The following ADAMTSL1 variants were observed in gnomAD, a reference collection of about 807,000 sequenced individuals.
The protein encoded by ADAMTSL1 is ADAMTS like 1.
In ADAMTSL1, 126 loss-of-function variants were observed where a neutral mutation model predicts 201.8. The ratio of observed to expected loss-of-function variants is 0.62; its 90% CI spans 0.54 to 0.72. ADAMTSL1 has a LOEUF of 0.72. Ranked by LOEUF, ADAMTSL1 falls within the 30% of genes least tolerant of loss-of-function variation. The pLI is 0.00. For missense variants in ADAMTSL1, 2,679 were observed against 2,277.8 expected (o/e 1.18, Z -3.59); for synonymous variants, 1,121 against 903.4 (o/e 1.24, Z -4.32).
intron 1 of ADAMTSL1, among the ~76,000 whole-genome samples, chr9:18,058,293 T>G (rs567961090): frequency 6.6e-6 from 1 of 152,198 alleles, no homozygotes; most frequent in African/African-American, 2.4e-5. Flanking sequence ...TGCCAGATGC[T>G]AGAGAAATCT....
rs577697104 is a variant in ADAMTSL1 at position 18,636,195 on chromosome 9, T to C, written c.676+178T>C. Among the ~76,000 whole-genome samples the C allele has an allele frequency of 2.6e-5, 4 of 152,310 alleles. No individual in the cohort carries two copies. In the East Asian group the frequency reaches 7.7e-4, roughly 29 times the overall value. On this transcript the variant is annotated intron_variant, in intron 6 of 28. Coordinates refer to ENST00000380548, the MANE Select transcript of ADAMTSL1 (RefSeq NM_001040272.6). ...CCTGATGAGATGGCAGAAACCCCTG[T>C]AGTAATTATCTTTAACCACAGTCAT...
chr9:18,171,505 A>C (rs560541627), intron 2 of ADAMTSL1, among the ~76,000 whole-genome samples: 8 of 152,242 alleles, frequency 5.3e-5, no homozygotes, highest in African/African-American at 1.9e-4. Context: ...ACAAGCTGGA[A>C]GGTATTCTTT....
chr9:18,551,673 C>G (rs1249466463), intron 3 of ADAMTSL1, among the ~76,000 whole-genome samples: 1 of 151,632 alleles, frequency 6.6e-6, no homozygotes, highest in Non-Finnish European at 1.5e-5. Flanking sequence ...CACTTAACCT[C>G]ACGGTGCCTC....
chr9:18,893,273 T>A (rs72692468), intron 26 of ADAMTSL1, among the ~76,000 whole-genome samples: 2,466 of 152,234 alleles, frequency 0.016, 68 homozygotes, highest in South Asian at 0.084. Flanking sequence ...TATTGGCAGT[T>A]TGTAAAATTA....
chr9:18,203,398 T>G (rs1398440726), intron 2 of ADAMTSL1, among the ~76,000 whole-genome samples: 2 of 151,898 alleles, frequency 1.3e-5, no homozygotes, highest in African/African-American at 4.8e-5. Flanking sequence ...TAAGTCCATA[T>G]TAAATCTATT....
chr9:18,644,126 G>T (rs574888987), intron 7 of ADAMTSL1, among the ~76,000 whole-genome samples: 89 of 151,738 alleles, frequency 5.9e-4, no homozygotes, highest in African/African-American at 2.0e-3. Flanking sequence ...GGGGGTTTTT[G>T]GTAGGTATTA....
At chr9:18,119,467 A>T (rs1207874947) in intron 1 of ADAMTSL1, among the ~76,000 whole-genome samples, 1 of 151,810 alleles carries the variant, frequency 6.6e-6, no homozygotes, top group East Asian at 1.9e-4. Flanking sequence ...CGCCCAGCTA[A>T]TTTTTGTATT....
At position 18,756,118 on chromosome 9, in the gene ADAMTSL1, T is replaced by C. The variant is rs1276862768; in HGVS notation, c.2217+2610T>C. The stretch of plus-strand genomic sequence containing the variant: ...ATATATATATATATATATATATATA[T>C]ATATACAAAAATTAGCCTGGTGTGG... On this transcript the variant is annotated intron_variant, in intron 16 of 28. Transcript: ENST00000380548. Among the ~76,000 whole-genome samples the C allele has an allele frequency of 1.4e-3, 101 of 74,778 alleles. 2 individuals carry two copies. Among genetic ancestry groups the C allele is most frequent in the African/African-American group, 4.0e-3 (91 of 22,826 alleles). 49.1% of individuals were successfully genotyped at this position (74,778 alleles called of 152,430 possible). A position where few individuals can be genotyped will look rare whatever the true frequency, so the allele number is the denominator to read the frequency against.
intron 2 of ADAMTSL1, among the ~76,000 whole-genome samples, chr9:18,293,702 G>C (rs1833362909): frequency 6.6e-6 from 1 of 152,106 alleles, no homozygotes; most frequent in Non-Finnish European, 1.5e-5. Flanking sequence ...GATTGTATGT[G>C]GGCTCCGTCC....
intron 23 of ADAMTSL1, among the ~76,000 whole-genome samples, chr9:18,884,403 T>C (rs1234963728): frequency 6.6e-6 from 1 of 152,218 alleles, no homozygotes; most frequent in African/African-American, 2.4e-5. Flanking sequence ...TTATGATGTG[T>C]CAAAGATTTA....
At chr9:18,635,091 C>G (rs1443888183) in intron 5 of ADAMTSL1, among the ~76,000 whole-genome samples, 1 of 151,628 alleles carries the variant, frequency 6.6e-6, no homozygotes, top group Non-Finnish European at 1.5e-5. Context: ...AGAAAATCCT[C>G]TGTGCCAATG....
At position 18,892,543 on chromosome 9, in the gene ADAMTSL1, C is replaced by T. The variant is rs1025448403; in HGVS notation, c.4798C>T (p.Gln1600Ter). ...TQVAKRPVDT[Q>*]ACNQQLCVEW... ...GGTCGCCAAGCGGCCTGTGGACACC[C>T]AGGCCTGTAACCAGCAGCTGTGTGT... The change falls in exon 26 of 29, where the codon CAG becomes TAG. Residue 1600 changes from glutamine to a stop codon, truncating the protein, a stop_gained. Coordinates refer to ENST00000380548, the MANE Select transcript of ADAMTSL1 (RefSeq NM_001040272.6). LOFTEE classifies it high-confidence loss of function. 6.3e-7 allele frequency: 1 copy of T among 1,583,062 alleles called. No homozygotes were observed. The highest frequency in any genetic ancestry group is 1.3e-5 in the African/African-American group (1 of 74,428).
intron 2 of ADAMTSL1, among the ~76,000 whole-genome samples, chr9:18,241,900 A>G (rs1456119543): frequency 3.9e-5 from 6 of 152,112 alleles, no homozygotes; most frequent in African/African-American, 1.2e-4. Context: ...GCAACAAAAA[A>G]CCTCATGCCT....
chr9:18,006,604 C>G (rs577195514), intron 1 of ADAMTSL1, among the ~76,000 whole-genome samples: 1 of 152,008 alleles, frequency 6.6e-6, no homozygotes, highest in Admixed American at 6.6e-5. Flanking sequence ...GTGAAAAAGA[C>G]CTTGGATATA....
At chr9:18,771,325 C>T (rs1820675541) in intron 17 of ADAMTSL1, among the ~76,000 whole-genome samples, 1 of 152,194 alleles carries the variant, frequency 6.6e-6, no homozygotes, top group Non-Finnish European at 1.5e-5. Context: ...ATTTGATTTC[C>T]CTTGTTGTCC....
intron 1 of ADAMTSL1, among the ~76,000 whole-genome samples, chr9:18,007,473 T>G (rs933483066): frequency 2.6e-5 from 4 of 151,980 alleles, no homozygotes; most frequent in Admixed American, 6.6e-5. Context: ...TATGTTAGAG[T>G]CATCTTGGAA....
intron 2 of ADAMTSL1, among the ~76,000 whole-genome samples, chr9:18,238,798 T>C (rs1461807271): frequency 6.6e-6 from 1 of 152,234 alleles, no homozygotes; most frequent in Non-Finnish European, 1.5e-5. Context: ...CTAGTTAATA[T>C]AGCCACCACC....
intron 23 of ADAMTSL1, among the ~76,000 whole-genome samples, chr9:18,838,397 ACACAC>A (rs779373383): frequency 0.013 from 1,982 of 148,418 alleles, 66 homozygotes; most frequent in African/African-American, 0.046. Context: ...ACACACACAC[ACACAC>A]GCAAAAACCT....
intron 3 of ADAMTSL1, among the ~76,000 whole-genome samples, chr9:18,554,955 A>G (rs78665267): frequency 6.6e-6 from 1 of 151,726 alleles, no homozygotes; most frequent in South Asian, 2.1e-4. Flanking sequence ...TGTAAGGAAC[A>G]TATATCCACC....
Sources: allele counts gnomAD v4.1 joint callset (sites outside exome capture counted in the v4.1 genomes callset), GRCh38; gene constraint gnomAD v4.1.1; transcripts MANE v1.5; gene names NCBI Gene and HGNC (gene_info 2026-07-23, HGNC 2026-07-21).